PRKG1: variants seen among roughly 807,000 people sequenced by gnomAD.
The protein encoded by PRKG1 is protein kinase cGMP-dependent 1, also known as cGMP-dependent protein kinase 1.
A neutral mutation model predicts 88.1 loss-of-function variants in PRKG1; 35 were observed. The ratio of observed to expected loss-of-function variants is 0.40; its 90% CI spans 0.30 to 0.53. The LOEUF is 0.53. Ranked by LOEUF, PRKG1 falls within the 20% of genes least tolerant of loss-of-function variation. PRKG1 has a pLI of 0.59. For synonymous variants in PRKG1, 303 were observed against 292.5 expected, an observed-to-expected ratio of 1.04 and a Z score of -0.37; for missense variants, 540 against 839.8, an observed-to-expected ratio of 0.64 and a Z score of 4.41.
chr10:52,223,116 C>G (rs1343224901), intron 9 of PRKG1, among the ~76,000 whole-genome samples: 2 of 152,138 alleles, frequency 1.3e-5, no homozygotes, highest in African/African-American at 4.8e-5. Context: ...AACCTACCAA[C>G]CAAACAAACA....
chr10:51,711,351 G>A (rs554931015), intron 3 of PRKG1, among the ~76,000 whole-genome samples: 3 of 151,322 alleles, frequency 2.0e-5, no homozygotes, highest in Non-Finnish European at 2.9e-5. Context: ...TGATCGACCC[G>A]CCTCGGGCTC....
chr10:51,392,392 A>C (rs1458744517), intron 2 of PRKG1, among the ~76,000 whole-genome samples: 1 of 152,052 alleles, frequency 6.6e-6, no homozygotes, highest in Non-Finnish European at 1.5e-5. Flanking sequence ...CACCGCCCTT[A>C]ATCCATTTAA....
At chr10:51,817,355 C>A (rs1034355028) in intron 4 of PRKG1, among the ~76,000 whole-genome samples, 8 of 148,776 alleles carry the variant, frequency 5.4e-5, no homozygotes, top group Non-Finnish European at 7.5e-5. Context: ...CAACCCCCCC[C>A]CTCCCCTGAC....
intron 3 of PRKG1, among the ~76,000 whole-genome samples, chr10:51,566,345 A>G (rs1407102269): frequency 6.6e-6 from 1 of 152,052 alleles, no homozygotes; most frequent in Non-Finnish European, 1.5e-5. Flanking sequence ...AGACTTCCTA[A>G]GCCCTAAACC....
chr10:51,960,785 T>C (rs1183286425), intron 5 of PRKG1, among the ~76,000 whole-genome samples: 2 of 152,140 alleles, frequency 1.3e-5, no homozygotes, highest in African/African-American at 2.4e-5. Context: ...GAACTCCAAA[T>C]AGGATCTCAA....
chr10:51,359,162 A>G (rs1842427246), intron 2 of PRKG1, among the ~76,000 whole-genome samples: 1 of 151,950 alleles, frequency 6.6e-6, no homozygotes, highest in South Asian at 2.1e-4. Context: ...TAGTTCTTAT[A>G]CCATTATTCT....
intron 9 of PRKG1, among the ~76,000 whole-genome samples, chr10:52,177,875 GT>G (rs950477233): frequency 6.8e-6 from 1 of 146,808 alleles, no homozygotes; most frequent in Non-Finnish European, 1.5e-5. Context: ...CATTTATTTG[GT>G]TCTTTTTTTT....
intron 3 of PRKG1, among the ~76,000 whole-genome samples, chr10:51,560,033 G>A (rs972488755): frequency 2.0e-5 from 3 of 152,084 alleles, no homozygotes; most frequent in African/African-American, 2.4e-5. Flanking sequence ...CACTACGGAA[G>A]CATTGTTAAT....
chr10:51,389,528 G>A (rs1402596215), intron 2 of PRKG1, among the ~76,000 whole-genome samples: 2 of 152,026 alleles, frequency 1.3e-5, no homozygotes, highest in Non-Finnish European at 2.9e-5. Flanking sequence ...CAGCCACTAG[G>A]GGGCATCCTG....
chr10:51,372,031 C>A (rs1414622424), intron 2 of PRKG1, among the ~76,000 whole-genome samples: 3 of 152,124 alleles, frequency 2.0e-5, no homozygotes, highest in Non-Finnish European at 4.4e-5. Context: ...AAACCTGCAT[C>A]ATTTCCAGTT....
At chr10:52,080,631 T>C (rs1198234602) in intron 7 of PRKG1, among the ~76,000 whole-genome samples, 1 of 152,182 alleles carries the variant, frequency 6.6e-6, no homozygotes, top group Non-Finnish European at 1.5e-5. Context: ...TCTTCTGGAT[T>C]CCCACTGAGT....
At chr10:51,347,974 A>T (rs1157517761) in intron 2 of PRKG1, among the ~76,000 whole-genome samples, 2 of 152,106 alleles carry the variant, frequency 1.3e-5, no homozygotes, top group Non-Finnish European at 2.9e-5. Flanking sequence ...GAGGCAGGAC[A>T]ATGGCGTGAA....
At chr10:51,186,958 A>G (rs1377344512) in intron 2 of PRKG1, among the ~76,000 whole-genome samples, 3 of 46,474 alleles carry the variant, frequency 6.5e-5, no homozygotes, top group Non-Finnish European at 1.8e-4. Context: ...CCTGTGTTAT[A>G]TATATATATA....
intron 3 of PRKG1, among the ~76,000 whole-genome samples, chr10:51,616,182 C>A (rs1251574596): frequency 6.6e-6 from 1 of 152,224 alleles, no homozygotes; most frequent in East Asian, 1.9e-4. Context: ...GACTGGCCTG[C>A]AGGCCCCACT....
intron 1 of PRKG1, among the ~76,000 whole-genome samples, chr10:51,037,214 G>A (rs185113772): frequency 1.0e-3 from 155 of 152,218 alleles, no homozygotes; most frequent in African/African-American, 3.5e-3. Flanking sequence ...TTGGGAGGCC[G>A]AGGCAGGAGG....
intron 1 of PRKG1, among the ~76,000 whole-genome samples, chr10:51,121,165 G>A (rs1480913731): frequency 6.6e-6 from 1 of 152,028 alleles, no homozygotes; most frequent in Non-Finnish European, 1.5e-5. Flanking sequence ...AACCCACTTG[G>A]ATAACCCAGA....
At position 51,402,827 on chromosome 10, in the gene PRKG1, C is replaced by T. The variant is rs538881806; in HGVS notation, c.479-64896C>T. Among the ~76,000 whole-genome samples, 3 of 152,260 alleles carry T rather than the reference C, an allele frequency of 2.0e-5. No homozygotes were observed. In the South Asian group the frequency reaches 6.2e-4, roughly 32 times the overall value. On this transcript the variant is annotated intron_variant, in intron 2 of 17. Coordinates refer to ENST00000373980, the MANE Select transcript of PRKG1 (RefSeq NM_006258.4). ...ATATTGCTTCACTGATGGCAAATTG[C>T]AAGGACAACTCCATTTTAGGAGTGC... is the stretch of plus-strand genomic sequence containing the variant.
chr10:51,057,205 A>G (rs1843636128), intron 1 of PRKG1, among the ~76,000 whole-genome samples: 1 of 152,238 alleles, frequency 6.6e-6, no homozygotes, highest in Non-Finnish European at 1.5e-5. Context: ...TATGTAGATA[A>G]TTCTATACCT....
chr10:51,812,114 A>C (rs1839472070), intron 4 of PRKG1, among the ~76,000 whole-genome samples: 1 of 152,212 alleles, frequency 6.6e-6, no homozygotes. Context: ...AGGCTCAAAC[A>C]CATCTTTATT....
Sources: gnomAD v4.1 joint callset for allele counts (sites outside exome capture counted in the v4.1 genomes callset) on GRCh38, gnomAD v4.1.1 for gene constraint, MANE v1.5 for transcripts, NCBI Gene and HGNC (gene_info 2026-07-23, HGNC 2026-07-21) for gene names.